The following BASP1 variants were observed in gnomAD, a reference collection of about 807,000 sequenced individuals.
BASP1 encodes brain abundant membrane attached signal protein 1.
Under a neutral mutation model 2.2 loss-of-function variants are expected in BASP1, and 1 was observed. That is an observed-to-expected ratio of 0.46 (90% confidence interval 0.16 to 2.17). The LOEUF is 2.17. Ranked by LOEUF, BASP1 falls within the 30% of genes most tolerant of loss-of-function variation. The pLI is 0.27. For synonymous variants in BASP1, 187 were observed against 154.2 expected, an observed-to-expected ratio of 1.21 and a Z score of -1.58; for missense variants, 352 against 327.2, an observed-to-expected ratio of 1.08 and a Z score of -0.58.
intron 1 of BASP1, among the ~76,000 whole-genome samples, chr5:17,222,521 A>G (rs752161104): frequency 6.6e-6 from 1 of 152,168 alleles, no homozygotes; most frequent in Non-Finnish European, 1.5e-5. Context: ...GTAAAAATCA[A>G]CCATACAGAG....
chr5:17,247,513 G>GC (rs1458139523), intron 1 of BASP1, among the ~76,000 whole-genome samples: 1 of 152,192 alleles, frequency 6.6e-6, no homozygotes, highest in African/African-American at 2.4e-5. Context: ...ATACCAGACT[G>GC]CCCAATGAAT....
intron 1 of BASP1, among the ~76,000 whole-genome samples, chr5:17,226,094 A>C (rs763647704): frequency 4.6e-5 from 7 of 152,248 alleles, no homozygotes; most frequent in Non-Finnish European, 1.0e-4. Flanking sequence ...GAGGTCAATA[A>C]GAGCAGGTTT....
chr5:17,266,552 A>T (rs1388466597), intron 1 of BASP1, among the ~76,000 whole-genome samples: 1 of 152,184 alleles, frequency 6.6e-6, no homozygotes, highest in East Asian at 1.9e-4. Context: ...CACGCCTGTA[A>T]TCCCAGCACT....
chr5:17,263,934 G>A (rs73756104), intron 1 of BASP1, among the ~76,000 whole-genome samples: 4,226 of 152,242 alleles, frequency 0.028, 192 homozygotes, highest in African/African-American at 0.093. Flanking sequence ...TCCTCTAAAT[G>A]ATGGGGATGT....
At chr5:17,243,938 A>G (rs968802994) in intron 1 of BASP1, among the ~76,000 whole-genome samples, 2 of 152,248 alleles carry the variant, frequency 1.3e-5, no homozygotes, top group African/African-American at 4.8e-5. Context: ...TTCAAGTGCA[A>G]TAAGTCACGG....
At chr5:17,240,703 A>T (rs1042215207) in intron 1 of BASP1, 5 of 152,228 alleles carry the variant, frequency 3.3e-5, no homozygotes, top group Non-Finnish European at 7.3e-5. Flanking sequence ...TTTGTGAAGC[A>T]TTCCATATAT....
At chr5:17,225,089 C>T (rs984693127) in intron 1 of BASP1, among the ~76,000 whole-genome samples, 3 of 152,218 alleles carry the variant, frequency 2.0e-5, no homozygotes, top group Admixed American at 6.5e-5. Context: ...GTGGGTTGCT[C>T]AGAGTCCCAC....
chr5:17,241,038 C>T (rs534379690), intron 1 of BASP1, among the ~76,000 whole-genome samples: 95 of 151,666 alleles, frequency 6.3e-4, no homozygotes, highest in Non-Finnish European at 1.3e-3. Context: ...ACAGGCTTGC[C>T]TAGTGCTTAG....
chr5:17,262,258 A>G (rs949997002), intron 1 of BASP1, among the ~76,000 whole-genome samples: 1 of 152,186 alleles, frequency 6.6e-6, no homozygotes, highest in Non-Finnish European at 1.5e-5. Context: ...TCTCAACTGG[A>G]CATTTCCTCT....
chr5:17,272,504 ATATAT>A (rs33915645), intron 1 of BASP1, among the ~76,000 whole-genome samples: 66,965 of 151,472 alleles, frequency 0.44, 15,013 homozygotes, highest in Non-Finnish European at 0.46. Context: ...ATTTTATGTA[ATATAT>A]TTATGAGTAG....
intron 1 of BASP1, among the ~76,000 whole-genome samples, chr5:17,269,321 G>A (rs1312023997): frequency 6.6e-6 from 1 of 152,238 alleles, no homozygotes; most frequent in Non-Finnish European, 1.5e-5. Flanking sequence ...GCTAACATCA[G>A]TTGTAGGAAG....
At chr5:17,235,188 A>T (rs577248060) in intron 1 of BASP1, among the ~76,000 whole-genome samples, 1 of 152,156 alleles carries the variant, frequency 6.6e-6, no homozygotes, top group Non-Finnish European at 1.5e-5. Flanking sequence ...CTGACAGGCT[A>T]ACTGCATTAA....
At chr5:17,245,844 C>T (rs997111490) in intron 1 of BASP1, among the ~76,000 whole-genome samples, 7 of 151,928 alleles carry the variant, frequency 4.6e-5, no homozygotes, top group African/African-American at 1.5e-4. Flanking sequence ...AGCAGAAGCC[C>T]TGGGATTCAG....
At position 17,260,456 on chromosome 5, in the gene BASP1, T is replaced by C. The variant is rs373165195; in HGVS notation, c.-9-14752T>C. 1.8e-4 allele frequency among the ~76,000 whole-genome samples: 28 copies of C among 152,310 alleles called. No homozygotes were observed. The highest frequency in any genetic ancestry group is 6.3e-4 in the African/African-American group (26 of 41,572). ...AAAAAAAATCTTGACAATATCATTG[T>C]AGTGATTTCTGCATTCTGGTCTTTA... On this transcript the variant is annotated intron_variant, in intron 1 of 1. Transcript: ENST00000322611. The surrounding 1 kb of genome is among the most constrained non-coding windows in gnomAD (Gnocchi z 4.2).
In BASP1 at chr5:17,247,399, C is replaced by T. The variant is rs75067281; in HGVS notation, c.-9-27809C>T. On this transcript the variant is annotated intron_variant, in intron 1 of 1. Coordinates refer to ENST00000322611, the MANE Select transcript of BASP1 (RefSeq NM_006317.5). ...CTATAAAGGACATGGATCCTGACTT[C>T]ATACAGGTCAACAACTATGTTACTG... Among the ~76,000 whole-genome samples, 165 of 152,308 alleles carry T rather than the reference C, an allele frequency of 1.1e-3. 1 individual carries two copies. The highest frequency in any genetic ancestry group is 5.8e-3 in the South Asian group (28 of 4,820).
chr5:17,261,844 A>G (rs1018079613), intron 1 of BASP1, among the ~76,000 whole-genome samples: 2 of 152,126 alleles, frequency 1.3e-5, no homozygotes, highest in African/African-American at 2.4e-5. Context: ...GCCGTTACCA[A>G]CACTCTCTGG....
At chr5:17,223,418 A>G (rs947104971) in intron 1 of BASP1, among the ~76,000 whole-genome samples, 8 of 152,146 alleles carry the variant, frequency 5.3e-5, no homozygotes, top group African/African-American at 1.9e-4. Context: ...TGCATCCTTC[A>G]TCTATAGCTA....
chr5:17,261,409 C>T lies in BASP1; in HGVS notation c.-9-13799C>T, dbSNP rs34090872. Among the ~76,000 whole-genome samples, 304 of 152,172 alleles carry T rather than the reference C, an allele frequency of 2.0e-3. 1 individual carries two copies. The highest frequency in any genetic ancestry group is 6.8e-3 in the African/African-American group (283 of 41,500). On this transcript the variant is annotated intron_variant, in intron 1 of 1. Transcript: ENST00000322611. Reference sequence around the variant, plus strand: ...TTAAGAAATCCTAAGTGTTGTAATACGAGAGTACTATGAAGGTAAATGACT... The same window carrying T: ...TTAAGAAATCCTAAGTGTTGTAATATGAGAGTACTATGAAGGTAAATGACT...
intron 1 of BASP1, among the ~76,000 whole-genome samples, chr5:17,270,793 G>A (rs555295924): frequency 6.6e-6 from 1 of 152,274 alleles, no homozygotes; most frequent in Admixed American, 6.5e-5. Flanking sequence ...GTAAAATGTT[G>A]TACTCACATG....
Sources: gnomAD v4.1 joint callset for allele counts (sites outside exome capture counted in the v4.1 genomes callset) on GRCh38, gnomAD v4.1.1 for gene constraint, Gnocchi (gnomAD v3.1) non-coding constraint, MANE v1.5 for transcripts, NCBI Gene and HGNC (gene_info 2026-07-23, HGNC 2026-07-21) for gene names.